Variants in DCLRE1C observed in about 807,000 individuals in gnomAD.
The protein encoded by DCLRE1C is DNA cross-link repair 1C.
A neutral mutation model predicts 61.4 loss-of-function variants in DCLRE1C; 47 were observed. The ratio of observed to expected loss-of-function variants is 0.77; its 90% CI spans 0.61 to 0.98. The LOEUF is 0.98. Among genes scored for constraint, DCLRE1C ranks in the 50% least tolerant of loss-of-function variants. The pLI, the probability that DCLRE1C is intolerant of heterozygous loss-of-function variation, is 0.00. For missense variants in DCLRE1C, 858 were observed against 816.0 expected (o/e 1.05, Z -0.63); for synonymous variants, 337 against 287.6 (o/e 1.17, Z -1.74).
chr10:14,902,785 C>T, downstream of DCLRE1C: 1 of 206,982 alleles, frequency 4.8e-6, no homozygotes, highest in Admixed American at 5.4e-5. Context: ...GTACTTAAGT[C>T]TATGTGAACA....
chr10:14,923,232 A>G (rs1157261396), intron 11 of DCLRE1C, 163 bp from the exon 12 acceptor site: 8 of 634,350 alleles, frequency 1.3e-5, no homozygotes, highest in South Asian at 1.0e-4. Flanking sequence ...GGAAAAAAAT[A>G]TCCAATGCCT....
chr10:14,937,778 C>T (rs1175845113), intron 4 of DCLRE1C, among the ~76,000 whole-genome samples: 1 of 151,370 alleles, frequency 6.6e-6, no homozygotes, highest in African/African-American at 2.4e-5. Context: ...CCTGTAATCC[C>T]AGCTACTCAG....
intron 5 of DCLRE1C, among the ~76,000 whole-genome samples, 186 bp downstream of exon 5, chr10:14,936,352 A>G (rs1839917469): frequency 6.7e-6 from 1 of 149,056 alleles, no homozygotes; most frequent in African/African-American, 2.5e-5. Context: ...TTAAAAAAAA[A>G]ACTCACTGCA....
chr10:14,950,918 C>T (rs1016016273), intron 1 of DCLRE1C, among the ~76,000 whole-genome samples: 4 of 152,112 alleles, frequency 2.6e-5, no homozygotes, highest in Non-Finnish European at 5.9e-5. Context: ...TAGGGGATTT[C>T]CCCAACCCTG....
rs534674683 is a variant in DCLRE1C at position 14,926,746 on chromosome 10, A to T, written c.972+97T>A. On this transcript the variant is annotated intron_variant, in intron 11 of 13. Coordinates refer to ENST00000378278, the MANE Select transcript of DCLRE1C (RefSeq NM_001033855.3). ...TAAAAGGAAATGAAACTTACATAGAAACAGAGATGCTTCTGAGAGTCAGGG... is the reference window on the plus strand; with the variant it reads ...TAAAAGGAAATGAAACTTACATAGATACAGAGATGCTTCTGAGAGTCAGGG... 4 of 959,560 alleles carry T rather than the reference A, an allele frequency of 4.2e-6. No individual in the cohort carries two copies. In the African/African-American group the frequency reaches 6.5e-5, roughly 16 times the overall value. 59.4% of individuals were successfully genotyped at this position (959,560 alleles called of 1,614,324 possible). A position where few individuals can be genotyped will look rare whatever the true frequency, so the allele number is the denominator to read the frequency against.
intron 9 of DCLRE1C, among the ~76,000 whole-genome samples, chr10:14,932,222 G>A (rs183588459): frequency 2.1e-4 from 32 of 151,898 alleles, no homozygotes; most frequent in Admixed American, 1.1e-3. Flanking sequence ...AGAATGTCTC[G>A]AAATATATAA....
rs1487175431 is a variant in DCLRE1C at position 14,935,402 on chromosome 10, G to T, written c.464+61C>A. 6 of 1,563,216 alleles carry T rather than the reference G, an allele frequency of 3.8e-6. No homozygotes were observed. In the Admixed American group the frequency reaches 1.0e-4, roughly 27 times the overall value. ...AATCGCTTGAACTCTGGGCGACACA[G>T]CAAGACTCCATTTCACAAAAATAAA... On this transcript the variant is annotated intron_variant, in intron 6 of 13. Coordinates refer to ENST00000378278, the MANE Select transcript of DCLRE1C (RefSeq NM_001033855.3).
At chr10:14,921,773 C>G (rs929355353) in intron 12 of DCLRE1C, among the ~76,000 whole-genome samples, 3 of 152,180 alleles carry the variant, frequency 2.0e-5, no homozygotes, top group Non-Finnish European at 4.4e-5. Context: ...TCACTTCTAC[C>G]TTGAATGTGC....
At chr10:14,933,080 G>C in intron 8 of DCLRE1C, 125 bp from the exon 9 acceptor site, 1 of 1,118,232 alleles carries the variant, frequency 8.9e-7, no homozygotes, top group Non-Finnish European at 1.3e-6. Flanking sequence ...TTGAAAAGTA[G>C]TTTTTGGCTA....
chr10:14,935,102 G>A (rs780273986), intron 6 of DCLRE1C, among the ~76,000 whole-genome samples: 2 of 151,880 alleles, frequency 1.3e-5, no homozygotes, highest in Non-Finnish European at 2.9e-5. Flanking sequence ...GGGATTACAG[G>A]CCAGAACTCC....
chr10:14,900,441 C>T (rs1833924678), downstream of DCLRE1C, among the ~76,000 whole-genome samples: 1 of 152,148 alleles, frequency 6.6e-6, no homozygotes, highest in Admixed American at 6.5e-5. Context: ...TGATGGATTT[C>T]ATAGTAAGAA....
intron 13 of DCLRE1C, among the ~76,000 whole-genome samples, chr10:14,912,165 C>T (rs994053625): frequency 6.6e-6 from 1 of 152,180 alleles, no homozygotes; most frequent in Non-Finnish European, 1.5e-5. Flanking sequence ...AGGCTGGAGA[C>T]TTGATCTGCC....
At chr10:14,923,126 G>T in intron 11 of DCLRE1C, 57 bp from the exon 12 acceptor site, 1 of 1,260,446 alleles carries the variant, frequency 7.9e-7, no homozygotes, top group East Asian at 2.3e-5. Context: ...AGGTTGTTAG[G>T]GGAGATAAAG....
intron 9 of DCLRE1C, among the ~76,000 whole-genome samples, chr10:14,930,442 G>GT (rs372880477): frequency 8.9e-5 from 13 of 145,370 alleles, no homozygotes; most frequent in South Asian, 2.2e-4. Flanking sequence ...GGTTTTGTTT[G>GT]TTTTTTTTGA....
In DCLRE1C at chr10:14,899,456, G is replaced by T. The variant is rs150887083; in HGVS notation, c.1157-144C>A. 5,942 of 1,404,722 alleles carry T rather than the reference G, an allele frequency of 4.2e-3. 33 individuals are homozygous for T. The highest frequency in any genetic ancestry group is 4.8e-3 in the Non-Finnish European group (4,906 of 1,016,900). 87.0% of individuals were successfully genotyped at this position (1,404,722 alleles called of 1,614,324 possible). On this transcript the variant is annotated intron_variant, in intron 13 of 13. Coordinates refer to the DCLRE1C transcript ENST00000378289. Reference sequence around the variant, plus strand: ...TTTCTTACTTTTTAAATATTTGTAGGTATTCGCATATTAGTAGATAGGTAG... The same window carrying T: ...TTTCTTACTTTTTAAATATTTGTAGTTATTCGCATATTAGTAGATAGGTAG...
chr10:14,914,592 G>A (rs916246901), intron 13 of DCLRE1C, among the ~76,000 whole-genome samples: 1 of 152,156 alleles, frequency 6.6e-6, no homozygotes, highest in African/African-American at 2.4e-5. Flanking sequence ...ACATTTACCA[G>A]GTTTAATGTG....
At chr10:14,909,649 A>G (rs1834918905) in intron 13 of DCLRE1C, among the ~76,000 whole-genome samples, 1 of 151,980 alleles carries the variant, frequency 6.6e-6, no homozygotes. Context: ...TTCCAGACCT[A>G]CTGAATCCCT....
chr10:14,953,810 G>T, intron 1 of DCLRE1C, 92 bp downstream of exon 1: 1 of 1,572,092 alleles, frequency 6.4e-7, no homozygotes. Context: ...GCTTCCCACA[G>T]GCTGCAGCTC....
At chr10:14,953,103 T>C (rs761664790) in intron 1 of DCLRE1C, among the ~76,000 whole-genome samples, 2 of 152,238 alleles carry the variant, frequency 1.3e-5, no homozygotes, top group African/African-American at 2.4e-5. Flanking sequence ...ATTCCGTTTA[T>C]CATTTTCTCC....
Sources: gnomAD v4.1 joint callset for allele counts (sites outside exome capture counted in the v4.1 genomes callset) on GRCh38, gnomAD v4.1.1 for gene constraint, MANE v1.5 for transcripts, NCBI Gene and HGNC (gene_info 2026-07-23, HGNC 2026-07-21) for gene names.